The following NFATC2 variants were observed in gnomAD, a reference collection of about 807,000 sequenced individuals.
NFATC2 encodes the protein nuclear factor of activated T-cells, cytoplasmic 2.
Under a neutral mutation model 87.3 loss-of-function variants are expected in NFATC2, and 22 were observed. That is an observed-to-expected ratio of 0.25 (90% CI 0.18 to 0.36). The LOEUF is 0.36. NFATC2 is among the 10% of genes least tolerant of loss of function. NFATC2 has a pLI of 1.00. For synonymous variants in NFATC2, 565 were observed against 542.2 expected, an observed-to-expected ratio of 1.04 and a Z score of -0.58; for missense variants, 1,149 against 1,259.1, an observed-to-expected ratio of 0.91 and a Z score of 1.32.
intron 3 of NFATC2, among the ~76,000 whole-genome samples, chr20:51,509,547 A>C (rs2076239672): frequency 6.6e-6 from 1 of 152,192 alleles, no homozygotes; most frequent in Admixed American, 6.5e-5. Flanking sequence ...AACCTTCTGT[A>C]GATGCCAACA....
At chr20:51,437,112 CAA>C (rs3029278) in intron 6 of NFATC2, among the ~76,000 whole-genome samples, 26,332 of 130,480 alleles carry the variant, frequency 0.2, 2,260 homozygotes, top group Middle Eastern at 0.27. Flanking sequence ...GAAGTTGGGC[CAA>C]AAAAAAAAAA....
chr20:51,435,060 C>T, intron 8 of NFATC2, 128 bp downstream of exon 8: 1 of 1,153,892 alleles, frequency 8.7e-7, no homozygotes, highest in Non-Finnish European at 1.2e-6. Context: ...ACAGATGATG[C>T]AACTGAGGCT....
chr20:51,530,269 C>T (rs1332977681), intron 1 of NFATC2, among the ~76,000 whole-genome samples: 1 of 152,108 alleles, frequency 6.6e-6, no homozygotes, highest in African/African-American at 2.4e-5. Context: ...CGGGTTCAAG[C>T]GATTCTCCTG....
chr20:51,388,194 A>C lies in NFATC2; in HGVS notation c.*3302T>G, dbSNP rs1019165913. 1 of 152,178 alleles carries C rather than the reference A, an allele frequency of 6.6e-6. No individual in the cohort carries two copies. The highest frequency in any genetic ancestry group is 6.5e-5 in the Admixed American group (1 of 15,280). The allele number at this position is 152,178 out of a possible 1,614,324, so 9.4% of individuals were successfully genotyped here. ...GTTCTGTGAACATGAATTCTTTTCG[A>C]ATTCCATTACAATGCAGGCAGGGTT... On this transcript the variant is annotated 3_prime_UTR_variant, in exon 11 of 11. Coordinates refer to ENST00000371564, the MANE Select transcript of NFATC2 (RefSeq NM_012340.5).
intron 10 of NFATC2, among the ~76,000 whole-genome samples, chr20:51,396,032 T>C (rs557099717): frequency 0.013 from 1,429 of 109,258 alleles, 64 homozygotes; most frequent in African/African-American, 0.048. Context: ...TGTCAGCTCC[T>C]AGTATGTATA....
At chr20:51,545,821 T>C (rs144219619), upstream of NFATC2, among the ~76,000 whole-genome samples, 8 of 151,970 alleles carry the variant, frequency 5.3e-5, no homozygotes, top group South Asian at 2.1e-4. Flanking sequence ...GAATGAAAGA[T>C]ACATGGATGG....
intron 1 of NFATC2, among the ~76,000 whole-genome samples, chr20:51,557,710 TG>T (rs775649273): frequency 1.3e-5 from 2 of 152,168 alleles, no homozygotes; most frequent in East Asian, 3.9e-4. Context: ...CCGAATGCTG[TG>T]GTCCTAACAA....
At chr20:51,442,479 A>G (rs1384702750) in intron 6 of NFATC2, among the ~76,000 whole-genome samples, 2 of 152,168 alleles carry the variant, frequency 1.3e-5, no homozygotes, top group African/African-American at 4.8e-5. Flanking sequence ...ATTTTAAAAA[A>G]ATGCTGCAGA....
Position 51,523,280 on chromosome 20 carries a change from T to TG in NFATC2, c.960dup (p.Lys321GlnfsTer8), listed in dbSNP as rs781620004. 6.2e-7 allele frequency: 1 copy of TG among 1,613,278 alleles called. No homozygotes were observed. The highest frequency in any genetic ancestry group is 8.5e-7 in the Non-Finnish European group (1 of 1,179,706). ...GGGTCAGGGCTGGTCTTCCACATCT[T>TG]GGGGGGGATCCCACAAGGCGAGTCC... On this transcript the variant is annotated frameshift_variant, in exon 2 of 11. Transcript: ENST00000371564. LOFTEE classifies it high-confidence loss of function. This position sits in a 1 kb window ranked among gnomAD's most constrained non-coding sequence, Gnocchi z 6.9.
chr20:51,413,467 A>C (rs1207758253), intron 9 of NFATC2, among the ~76,000 whole-genome samples: 5 of 152,130 alleles, frequency 3.3e-5, no homozygotes, highest in African/African-American at 1.2e-4. Flanking sequence ...TTTTCAAAAA[A>C]ACCTAAAGAG....
intron 6 of NFATC2, among the ~76,000 whole-genome samples, chr20:51,440,733 A>G (rs547841907): frequency 1.3e-5 from 2 of 152,328 alleles, no homozygotes; most frequent in East Asian, 3.9e-4. Flanking sequence ...TTCTGGACAA[A>G]CAAGTCCCCA....
At chr20:51,452,610 C>T (rs2146419765) in intron 6 of NFATC2, among the ~76,000 whole-genome samples, 1 of 152,292 alleles carries the variant, frequency 6.6e-6, no homozygotes, top group Non-Finnish European at 1.5e-5. Context: ...TCAACGCTTC[C>T]ACTTCCAAAA....
chr20:51,434,220 AGG>A (rs1983222818), intron 8 of NFATC2, among the ~76,000 whole-genome samples: 1 of 148,226 alleles, frequency 6.7e-6, no homozygotes, highest in Non-Finnish European at 1.5e-5. Flanking sequence ...AAGCTCACCA[AGG>A]CAAGGCTGCC....
At chr20:51,542,342 G>A (rs758056508) in intron 1 of NFATC2, 28 bp downstream of exon 1, 12 of 1,598,250 alleles carry the variant, frequency 7.5e-6, no homozygotes, top group South Asian at 2.2e-5. Flanking sequence ...CGGGCTCAGG[G>A]GCCAGGCCAG....
intron 1 of NFATC2, among the ~76,000 whole-genome samples, chr20:51,537,549 G>A (rs1212428747): frequency 6.6e-6 from 1 of 152,206 alleles, no homozygotes; most frequent in Non-Finnish European, 1.5e-5. Context: ...GCAGATGTGA[G>A]CACTCCCCAC....
intron 10 of NFATC2, among the ~76,000 whole-genome samples, chr20:51,392,868 A>G (rs1986529030): frequency 6.6e-6 from 1 of 152,176 alleles, no homozygotes; most frequent in Admixed American, 6.5e-5. Context: ...TCCATAACAG[A>G]GTCGGGGAAT....
At chr20:51,396,949 G>A (rs1270394398) in intron 10 of NFATC2, among the ~76,000 whole-genome samples, 4 of 151,946 alleles carry the variant, frequency 2.6e-5, no homozygotes, top group Admixed American at 6.6e-5. Context: ...GTCTCCCTCC[G>A]TCACACAGGC....
intron 3 of NFATC2, among the ~76,000 whole-genome samples, chr20:51,489,751 G>A (rs1301532840): frequency 6.6e-6 from 1 of 152,204 alleles, no homozygotes; most frequent in Non-Finnish European, 1.5e-5. Context: ...CATGTACAAA[G>A]AGTCAGATGA....
At chr20:51,550,551 A>G (rs1475868613) in intron 1 of NFATC2, among the ~76,000 whole-genome samples, 2 of 152,254 alleles carry the variant, frequency 1.3e-5, no homozygotes, top group East Asian at 3.9e-4. Flanking sequence ...AGATTGCGCC[A>G]TTGTACTCCA....
Sources: allele counts gnomAD v4.1 joint callset (sites outside exome capture counted in the v4.1 genomes callset), GRCh38; gene constraint gnomAD v4.1.1; non-coding constraint Gnocchi (gnomAD v3.1); transcripts MANE v1.5; gene names NCBI Gene and HGNC (gene_info 2026-07-23, HGNC 2026-07-21).